The following RERE variants were observed in gnomAD, a reference collection of about 807,000 sequenced individuals.
The protein encoded by RERE is arginine-glutamic acid dipeptide repeats, also known as arginine-glutamic acid dipeptide repeats protein.
RERE carries 40 observed loss-of-function variants against 146.1 expected under a neutral mutation model. The observed-to-expected ratio is 0.27, with a 90% CI of 0.21 to 0.36. The LOEUF (loss-of-function observed/expected upper bound fraction) is 0.36, where lower values mean the gene tolerates loss of function less well. RERE is among the 10% of genes least tolerant of loss of function. The pLI, the probability that RERE is intolerant of heterozygous loss-of-function variation, is 1.00. For synonymous variants in RERE, 1,003 were observed against 866.0 expected (o/e 1.16, Z -2.78); for missense variants, 1,933 against 2,138.7 (o/e 0.90, Z 1.90).
At chr1:8,750,359 A>C in intron 1 of RERE, 1 of 629,438 alleles carries the variant, frequency 1.6e-6, no homozygotes, top group Non-Finnish European at 2.8e-6. Flanking sequence ...ATTCTGCCTC[A>C]TTCAACATCT....
intron 6 of RERE, among the ~76,000 whole-genome samples, chr1:8,548,455 G>T (rs1645893686): frequency 1.3e-5 from 2 of 152,162 alleles, no homozygotes; most frequent in Non-Finnish European, 2.9e-5. Context: ...TGCACATAAG[G>T]AGGTAAGAAA....
intron 11 of RERE, among the ~76,000 whole-genome samples, chr1:8,439,663 C>A (rs1183703232): frequency 6.6e-6 from 1 of 152,192 alleles, no homozygotes; most frequent in Non-Finnish European, 1.5e-5. Flanking sequence ...CACCCCCTGG[C>A]GGTTCCAGGT....
intron 2 of RERE, among the ~76,000 whole-genome samples, chr1:8,655,071 T>C (rs182141756): frequency 4.7e-4 from 71 of 152,328 alleles, no homozygotes; most frequent in Non-Finnish European, 7.9e-4. Flanking sequence ...AGCCACAATA[T>C]ACTGGTGTGA....
chr1:8,701,678 C>T (rs564491827), intron 1 of RERE, among the ~76,000 whole-genome samples: 2 of 152,286 alleles, frequency 1.3e-5, no homozygotes, highest in African/African-American at 2.4e-5. Flanking sequence ...GCCTGCCAAG[C>T]GCCAGCGCCT....
At chr1:8,775,618 A>T (rs1303229992) in intron 1 of RERE, among the ~76,000 whole-genome samples, 1 of 152,200 alleles carries the variant, frequency 6.6e-6, no homozygotes, top group Non-Finnish European at 1.5e-5. Context: ...TTTTTTAAAA[A>T]ACAATTTTTT....
At chr1:8,666,237 A>T (rs1226268575) in intron 1 of RERE, among the ~76,000 whole-genome samples, 1 of 152,242 alleles carries the variant, frequency 6.6e-6, no homozygotes, top group Non-Finnish European at 1.5e-5. Context: ...TGTCGGCCAA[A>T]CAAACTTACT....
intron 7 of RERE, among the ~76,000 whole-genome samples, chr1:8,538,523 A>G (rs144258060): frequency 6.6e-6 from 1 of 152,290 alleles, no homozygotes; most frequent in East Asian, 1.9e-4. Flanking sequence ...CCTAACCCCA[A>G]ACTTCAGAGA....
chr1:8,485,814 T>C (rs1484643469), intron 10 of RERE, among the ~76,000 whole-genome samples: 1 of 150,190 alleles, frequency 6.7e-6, no homozygotes, highest in Non-Finnish European at 1.5e-5. Flanking sequence ...TTTTTTTTTT[T>C]TTGGAGATGG....
intron 4 of RERE, among the ~76,000 whole-genome samples, chr1:8,590,621 G>A (rs186629150): frequency 6.6e-6 from 1 of 152,162 alleles, no homozygotes; most frequent in Non-Finnish European, 1.5e-5. Flanking sequence ...TACCTATGCT[G>A]CTGGAAATAG....
intron 12 of RERE, among the ~76,000 whole-genome samples, chr1:8,416,925 T>C (rs1055332811): frequency 4.6e-5 from 7 of 152,074 alleles, no homozygotes; most frequent in Admixed American, 3.9e-4. Flanking sequence ...TTTTAACCAG[T>C]GATGAGAGTG....
intron 1 of RERE, chr1:8,750,850 A>G: frequency 1.2e-6 from 1 of 824,046 alleles, no homozygotes; most frequent in South Asian, 1.3e-5. Context: ...CATATATTAC[A>G]TGGGGGAACC....
chr1:8,652,107 A>T (rs1268164991), intron 2 of RERE, among the ~76,000 whole-genome samples: 1 of 152,230 alleles, frequency 6.6e-6, no homozygotes, highest in Non-Finnish European at 1.5e-5. Flanking sequence ...CATCACCAAA[A>T]CGAAAGGAAA....
intron 2 of RERE, among the ~76,000 whole-genome samples, chr1:8,635,103 C>T (rs190414001): frequency 1.3e-4 from 20 of 152,194 alleles, no homozygotes; most frequent in African/African-American, 4.3e-4. Flanking sequence ...ATATTGAGAC[C>T]TCATTTTTCC....
intron 19 of RERE, 83 bp from the exon 20 acceptor site, chr1:8,358,999 C>G: frequency 6.9e-7 from 1 of 1,457,082 alleles, no homozygotes; most frequent in Non-Finnish European, 9.0e-7. Context: ...TGGGCCTGGT[C>G]CTGCTCCTGG....
chr1:8,432,433 A>G (rs142162391), intron 11 of RERE, among the ~76,000 whole-genome samples: 2,066 of 152,300 alleles, frequency 0.014, 32 homozygotes, highest in Non-Finnish European at 0.023. Flanking sequence ...CAAGGAGCAC[A>G]GCACGAGGCA....
chr1:8,362,406 G>A (rs1165286505), intron 16 of RERE, among the ~76,000 whole-genome samples: 6 of 152,180 alleles, frequency 3.9e-5, no homozygotes, highest in African/African-American at 1.4e-4. Context: ...GACTGTACTT[G>A]GCTCTGGAGG....
chr1:8,529,641 G>A, intron 7 of RERE, among the ~76,000 whole-genome samples: 1 of 151,654 alleles, frequency 6.6e-6, no homozygotes. Context: ...CTGACACAAG[G>A]GGCAATGAAT....
chr1:8,408,319 C>T (rs1431665380), intron 12 of RERE, among the ~76,000 whole-genome samples: 2 of 152,122 alleles, frequency 1.3e-5, no homozygotes, highest in Non-Finnish European at 2.9e-5. Flanking sequence ...TGTATCACAT[C>T]CCACAGGCTG....
At chr1:8,434,922 C>T (rs953490390) in intron 11 of RERE, 5 of 152,232 alleles carry the variant, frequency 3.3e-5, no homozygotes, top group African/African-American at 1.2e-4. Flanking sequence ...ACTGCAACCT[C>T]GTGAAAGCCT....
Sources: allele counts gnomAD v4.1 joint callset (sites outside exome capture counted in the v4.1 genomes callset), GRCh38; gene constraint gnomAD v4.1.1; transcripts MANE v1.5; gene names NCBI Gene and HGNC (gene_info 2026-07-23, HGNC 2026-07-21).